DLGAP1: variants seen among roughly 807,000 people sequenced by gnomAD.
DLGAP1 encodes disks large-associated protein 1.
Under a neutral mutation model 90.8 loss-of-function variants are expected in DLGAP1, and 11 were observed. The observed-to-expected ratio is 0.12, with a 90% CI of 0.08 to 0.20. The LOEUF (loss-of-function observed/expected upper bound fraction) is 0.20. DLGAP1 is among the 10% of genes least tolerant of loss of function. The pLI is 1.00. For synonymous variants in DLGAP1, 558 were observed against 540.7 expected (o/e 1.03, Z -0.44); for missense variants, 1,050 against 1,333.8 (o/e 0.79, Z 3.31).
In DLGAP1 at chr18:4,425,243, T is replaced by C. The variant is rs535543854; in HGVS notation, c.-267+29763A>G. On this transcript the variant is annotated intron_variant, in intron 1 of 12. Transcript: ENST00000315677. ...CATATTTCAGCAAAGCAACATACTT[T>C]ACATTATTTTGAAATCCAACTGTAA... Among the ~76,000 whole-genome samples, 113 of 152,318 alleles carry C rather than the reference T, an allele frequency of 7.4e-4. No individual in the cohort carries two copies. In the South Asian group the frequency reaches 7.7e-3, roughly 10 times the overall value.
At chr18:4,089,659 C>A (rs995661159) in intron 2 of DLGAP1, among the ~76,000 whole-genome samples, 4 of 152,160 alleles carry the variant, frequency 2.6e-5, no homozygotes, top group African/African-American at 9.7e-5. Flanking sequence ...TGATCTTCAA[C>A]AAACCTGACA....
intron 2 of DLGAP1, among the ~76,000 whole-genome samples, chr18:4,141,238 C>A (rs2076490154): frequency 6.6e-6 from 1 of 151,534 alleles, no homozygotes; most frequent in South Asian, 2.1e-4. Flanking sequence ...TTCAGTTTTT[C>A]CCAAGATTTC....
At chr18:3,504,680 G>T (rs545422252) in intron 11 of DLGAP1, among the ~76,000 whole-genome samples, 1 of 152,144 alleles carries the variant, frequency 6.6e-6, no homozygotes, top group Non-Finnish European at 1.5e-5. Context: ...ACTTCGCCCC[G>T]CCAGTGTTTT....
At chr18:3,724,601 C>T (rs1427913331) in intron 7 of DLGAP1, among the ~76,000 whole-genome samples, 2 of 151,608 alleles carry the variant, frequency 1.3e-5, no homozygotes, top group South Asian at 2.1e-4. Flanking sequence ...AAAAATTATC[C>T]GGGTGTGGTG....
chr18:4,001,669 T>C (rs1343189801), intron 3 of DLGAP1, among the ~76,000 whole-genome samples: 1 of 152,204 alleles, frequency 6.6e-6, no homozygotes, highest in Non-Finnish European at 1.5e-5. Context: ...TTTTGCCTCC[T>C]TTGCTCCTAT....
intron 7 of DLGAP1, among the ~76,000 whole-genome samples, chr18:3,684,488 C>T (rs2060631887): frequency 6.6e-6 from 1 of 151,870 alleles, no homozygotes; most frequent in Admixed American, 6.6e-5. Context: ...ATGTGAGCCA[C>T]CACACCTGGC....
chr18:4,285,041 TTAC>T (rs1279415536), intron 1 of DLGAP1, among the ~76,000 whole-genome samples: 13 of 82,562 alleles, frequency 1.6e-4, no homozygotes, highest in African/African-American at 3.6e-4. Flanking sequence ...CTATTTTTTT[TTAC>T]AAAAATAATG....
chr18:3,754,320 C>G (rs1395387127), intron 5 of DLGAP1, among the ~76,000 whole-genome samples: 1 of 152,110 alleles, frequency 6.6e-6, no homozygotes, highest in African/African-American at 2.4e-5. Flanking sequence ...CAAATAATCT[C>G]TAGATTACTT....
intron 7 of DLGAP1, among the ~76,000 whole-genome samples, chr18:3,668,677 T>C (rs958719302): frequency 2.6e-5 from 4 of 152,166 alleles, no homozygotes; most frequent in African/African-American, 9.7e-5. Flanking sequence ...GAAGCAGTGG[T>C]GGCAAATAGA....
intron 1 of DLGAP1, among the ~76,000 whole-genome samples, chr18:4,315,674 A>C (rs545552238): frequency 9.8e-4 from 150 of 152,350 alleles, no homozygotes; most frequent in African/African-American, 3.5e-3. Context: ...TGCAAACTTA[A>C]ACTAATGAAA....
intron 10 of DLGAP1, among the ~76,000 whole-genome samples, chr18:3,516,156 T>C (rs1201414147): frequency 6.6e-6 from 1 of 152,202 alleles, no homozygotes; most frequent in Admixed American, 6.5e-5. Context: ...TTTGACCTTT[T>C]CCCATGAATC....
At chr18:3,925,678 G>C (rs2072366944) in intron 3 of DLGAP1, among the ~76,000 whole-genome samples, 1 of 152,134 alleles carries the variant, frequency 6.6e-6, no homozygotes, top group South Asian at 2.1e-4. Flanking sequence ...GTAAGACATA[G>C]TCTGTTTTCA....
chr18:3,502,430 T>C, intron 12 of DLGAP1, 63 bp downstream of exon 12: 13 of 1,609,560 alleles, frequency 8.1e-6, no homozygotes, highest in Non-Finnish European at 1.1e-5. Context: ...CAGAAGCCTA[T>C]TTAGACTGTC....
At position 3,870,940 on chromosome 18, in the gene DLGAP1, T is replaced by C. The variant is rs573610563; in HGVS notation, c.957+8172A>G. ...TTCTTTGGAAGTTAAAATAAATAAT[T>C]GCAGGCATTATTTAGTTAATCTTTG... On this transcript the variant is annotated intron_variant, in intron 4 of 12. Transcript: ENST00000315677. Among the ~76,000 whole-genome samples the C allele has an allele frequency of 7.2e-5, 11 of 152,348 alleles. No individual in the cohort carries two copies. In the East Asian group the frequency reaches 7.7e-4, roughly 11 times the overall value.
In DLGAP1 at chr18:4,266,018, A is replaced by G. The variant is rs540254932; in HGVS notation, c.-266-114731T>C. 8.0e-4 allele frequency among the ~76,000 whole-genome samples: 122 copies of G among 152,224 alleles called. 3 individuals carry two copies. The South Asian group carries it at 0.024, about 30-fold the overall frequency. On this transcript the variant is annotated intron_variant, in intron 1 of 12. Transcript: ENST00000315677. The stretch of plus-strand genomic sequence containing the variant: ...TATAATTAACACTGAATAGTTCAGT[A>G]TGAGGAACTCTCTTAAGATATTTTG...
chr18:4,080,977 C>T (rs2075599250), intron 2 of DLGAP1, among the ~76,000 whole-genome samples: 1 of 151,918 alleles, frequency 6.6e-6, no homozygotes. Context: ...CAACCTCCGC[C>T]TCCCTGGTTC....
rs147271967 is a variant in DLGAP1 at position 3,758,841 on chromosome 18, A to G, written c.1173-16329T>C. 1.8e-3 allele frequency among the ~76,000 whole-genome samples: 274 copies of G among 152,326 alleles called. 1 individual carries two copies. The highest frequency in any genetic ancestry group is 6.1e-3 in the African/African-American group (253 of 41,574). On this transcript the variant is annotated intron_variant, in intron 5 of 12. Coordinates refer to ENST00000315677, the MANE Select transcript of DLGAP1 (RefSeq NM_004746.4). ...GTTCCAGATATTTGCATTGCCGGCC[A>G]GAGTCCCTTTACAAATTTTACGTTT...
chr18:4,351,962 A>T (rs1315573064), intron 1 of DLGAP1, among the ~76,000 whole-genome samples: 1 of 152,214 alleles, frequency 6.6e-6, no homozygotes, highest in Non-Finnish European at 1.5e-5. Context: ...GGATTGCCTT[A>T]TCACACTTAA....
At chr18:3,609,313 C>T (rs923846712) in intron 7 of DLGAP1, among the ~76,000 whole-genome samples, 4 of 152,234 alleles carry the variant, frequency 2.6e-5, no homozygotes, top group Non-Finnish European at 5.9e-5. Context: ...TCCCAAAGTA[C>T]TGGGATTTGA....
Sources: allele counts gnomAD v4.1 joint callset (sites outside exome capture counted in the v4.1 genomes callset), GRCh38; gene constraint gnomAD v4.1.1; transcripts MANE v1.5; gene names NCBI Gene and HGNC (gene_info 2026-07-23, HGNC 2026-07-21).